The following CDC23 variants were observed in gnomAD, a reference collection of about 807,000 sequenced individuals.
CDC23 encodes cell division cycle 23, also known as cell division cycle protein 23 homolog.
Under a neutral mutation model 81.7 loss-of-function variants are expected in CDC23, and 26 were observed. The observed-to-expected ratio is 0.32, with a 90% CI of 0.23 to 0.44. CDC23 has a LOEUF of 0.44. Among genes scored for constraint, CDC23 ranks in the 20% least tolerant of loss-of-function variants. CDC23 has a pLI of 1.00. For missense variants in CDC23, 519 were observed against 728.0 expected, an observed-to-expected ratio of 0.71 and a Z score of 3.30; for synonymous variants, 267 against 270.8, an observed-to-expected ratio of 0.99 and a Z score of 0.14.
Position 138,213,252 on chromosome 5 carries a change from A to G in CDC23, c.61T>C (p.Ser21Pro), listed in dbSNP as rs1755137051. 1.2e-6 allele frequency: 2 copies of G among 1,614,128 alleles called. No individual in the cohort carries two copies. The highest frequency in any genetic ancestry group is 4.5e-5 in the East Asian group (2 of 44,886). Residue 21 changes from serine (S) to proline (P), a missense_variant, in exon 1 of 16, where the codon TCC (serine) becomes CCC (proline). Physicochemically the swap from Ser to Pro is moderately conservative, Grantham distance 74 (BLOSUM62 -1). Coordinates refer to ENST00000394886, the MANE Select transcript of CDC23 (RefSeq NM_004661.4). ...AAATCTGAGAAATCGCTGTTTATGGACAGGACAGGCGCCACTGCCGCCGTC... is the reference window on the plus strand; with the variant it reads ...AAATCTGAGAAATCGCTGTTTATGGGCAGGACAGGCGCCACTGCCGCCGTC... ...AVTAAVAPVL[S>P]INSDFSDLRE...
Position 138,188,991 on chromosome 5 carries a change from G to A in CDC23, c.1781C>T (p.Ser594Phe), listed in dbSNP as rs1370077744. The A allele has an allele frequency of 6.2e-7, 1 of 1,613,830 alleles. No individual in the cohort carries two copies. Among genetic ancestry groups the A allele is most frequent in the Non-Finnish European group, 8.5e-7 (1 of 1,179,918 alleles). Residue 594 changes from serine to phenylalanine, a missense_variant, in exon 16 of 16, where the codon TCT becomes TTT. Physicochemically the swap from Ser to Phe is radical, Grantham distance 155. Transcript: ENST00000394886. ...TRRVSPLNLS[S>F]VTP ...GAGAGTAGCCAACTATGGCGTGACA[G>A]AAGACAAGTTGAGTGGAGAAACTCT...
intron 9 of CDC23, among the ~76,000 whole-genome samples, chr5:138,192,930 C>T (rs952642847): frequency 2.6e-5 from 4 of 152,054 alleles, no homozygotes; most frequent in Non-Finnish European, 5.9e-5. Context: ...TACACAGTCT[C>T]TTTCTTTCTT....
In CDC23 at chr5:138,201,162, G is replaced by A; in HGVS notation, c.599C>T (p.Pro200Leu). The A allele has an allele frequency of 6.2e-7, 1 of 1,614,110 alleles. No individual in the cohort carries two copies. Among genetic ancestry groups the A allele is most frequent in the Non-Finnish European group, 8.5e-7 (1 of 1,180,022 alleles). The change falls in exon 6 of 16, where the codon CCC becomes CTC. Residue 200 changes from proline (P) to leucine (L), a missense_variant. Coordinates refer to ENST00000394886, the MANE Select transcript of CDC23 (RefSeq NM_004661.4). ...TTCTAACCAGGCTCCCCAATGCAAG[G>A]GCAAAACATGAGTAGCTTCCACAAA... is the stretch of plus-strand genomic sequence containing the variant. ...DVFVEATHVL[P>L]LHWGAWLELC...
intron 2 of CDC23, among the ~76,000 whole-genome samples, chr5:138,208,927 G>A (rs1369161994): frequency 6.6e-6 from 1 of 152,082 alleles, no homozygotes; most frequent in East Asian, 1.9e-4. Context: ...AAGTCACTGG[G>A]TCCACAGGTG....
chr5:138,207,492 T>C (rs1755064522), intron 2 of CDC23, among the ~76,000 whole-genome samples: 1 of 152,210 alleles, frequency 6.6e-6, no homozygotes. Flanking sequence ...AATACTGGCA[T>C]TCTATTCCTT....
chr5:138,210,817 G>C (rs1471965578), intron 2 of CDC23, among the ~76,000 whole-genome samples: 1 of 152,174 alleles, frequency 6.6e-6, no homozygotes, highest in Non-Finnish European at 1.5e-5. Flanking sequence ...CCTCAGGAGA[G>C]GGTGATATTT....
Position 138,188,663 on chromosome 5 carries a change from G to T in CDC23, c.*315C>A. ...AAACTTTGTTCCTGTAGCATTGCCT[G>T]TGCTAAAGTGCTATAAAAGGGACTT... On this transcript the variant is annotated 3_prime_UTR_variant, in exon 16 of 16. Coordinates refer to ENST00000394886, the MANE Select transcript of CDC23 (RefSeq NM_004661.4). The T allele has an allele frequency of 5.0e-6, 1 of 198,716 alleles. No individual in the cohort carries two copies. Among genetic ancestry groups the T allele is most frequent in the Non-Finnish European group, 1.0e-5 (1 of 98,724 alleles). The allele number at this position is 198,716 out of a possible 1,614,324, so 12.3% of individuals were successfully genotyped here.
Position 138,203,241 on chromosome 5 carries a change from T to C in CDC23, c.373-1086A>G, listed in dbSNP as rs937855022. Among the ~76,000 whole-genome samples the C allele has an allele frequency of 2.6e-5, 4 of 152,318 alleles. No homozygotes were observed. In the South Asian group the frequency reaches 8.3e-4, roughly 32 times the overall value. ...AGAATGTACAACACAGGGTGAACCC[T>C]AATGTAAACTGTGGACTTTTGTTGA... On this transcript the variant is annotated intron_variant, in intron 3 of 15. Coordinates refer to ENST00000394886, the MANE Select transcript of CDC23 (RefSeq NM_004661.4).
At position 138,191,454 on chromosome 5, in the gene CDC23, A is replaced by T. The variant is rs1323837264; in HGVS notation, c.1424+20T>A. ...AGAAGCCAACAGAAATATCAATAGC[A>T]TTTCACTCCTTTCACTCACTTTGCC... On this transcript the variant is annotated intron_variant, in intron 13 of 15. Coordinates refer to ENST00000394886, the MANE Select transcript of CDC23 (RefSeq NM_004661.4). 2 of 1,610,736 alleles carry T rather than the reference A, an allele frequency of 1.2e-6. No individual in the cohort carries two copies. The highest frequency in any genetic ancestry group is 3.3e-5 in the Admixed American group (2 of 59,998).
At chr5:138,199,298 A>ATT (rs1754959558) in intron 6 of CDC23, among the ~76,000 whole-genome samples, 1 of 152,180 alleles carries the variant, frequency 6.6e-6, no homozygotes. Flanking sequence ...GGGAGCTTTA[A>ATT]GAATAAGTTT....
At chr5:138,213,108 G>A (rs1755134764) in intron 1 of CDC23, 44 bp downstream of exon 1, 1 of 1,613,864 alleles carries the variant, frequency 6.2e-7, no homozygotes, top group Non-Finnish European at 8.5e-7. Context: ...AGCCCCCCAA[G>A]GCCAAGGATC....
intron 9 of CDC23, among the ~76,000 whole-genome samples, chr5:138,194,919 A>G (rs1754867771): frequency 1.3e-5 from 2 of 151,478 alleles, no homozygotes; most frequent in Admixed American, 6.6e-5. Flanking sequence ...ACAGGGTTTC[A>G]CCATGTTGGC....
At chr5:138,199,081 G>C (rs1476198839) in intron 6 of CDC23, among the ~76,000 whole-genome samples, 2 of 152,152 alleles carry the variant, frequency 1.3e-5, no homozygotes, top group Admixed American at 1.3e-4. Context: ...TCTAGACACG[G>C]GTAATAGCAT....
Position 138,192,257 on chromosome 5 carries a change from G to A in CDC23, c.1286+12C>T. On this transcript the variant is annotated intron_variant, in intron 11 of 15. Transcript: ENST00000394886. ...TCCCATATCAGACGCATTGTCAAGT[G>A]ACCAGGCTTACCGAAGCTGGTGGGC... 1.9e-6 allele frequency: 3 copies of A among 1,614,052 alleles called. No individual in the cohort carries two copies. Among genetic ancestry groups the A allele is most frequent in the African/African-American group, 1.3e-5 (1 of 75,038 alleles).
At chr5:138,195,723 T>C (rs1445552244) in intron 9 of CDC23, among the ~76,000 whole-genome samples, 42 of 57,074 alleles carry the variant, frequency 7.4e-4, no homozygotes, top group Admixed American at 5.7e-3. Flanking sequence ...AATATATATG[T>C]ATATATATAC....
intron 3 of CDC23, 104 bp from the exon 4 acceptor site, chr5:138,202,259 G>A (rs1754997766): frequency 1.6e-5 from 12 of 740,620 alleles, no homozygotes; most frequent in Non-Finnish European, 2.7e-5. Flanking sequence ...CAACCAAAAT[G>A]GCATCGACTT....
At chr5:138,190,466 GA>G (rs79994187) in intron 13 of CDC23, among the ~76,000 whole-genome samples, 1,513 of 61,798 alleles carry the variant, frequency 0.024, 46 homozygotes, top group Admixed American at 0.14. Context: ...TCCAAAAAAA[GA>G]AAAAAAAAAA....
At position 138,192,270 on chromosome 5, in the gene CDC23, G is replaced by A. The variant is rs771518039; in HGVS notation, c.1285C>T (p.Arg429Ter). Residue 429 changes from arginine to a stop codon, truncating the protein, a stop_gained and splice_region_variant, in exon 11 of 16, where the codon CGA becomes TGA. Transcript: ENST00000394886. LOFTEE classifies it high-confidence loss of function. ...LYYYRRAHQL[R>*]PNDSRMLVAL... is the part of the protein sequence containing the mutation. ...GCATTGTCAAGTGACCAGGCTTACC[G>A]AAGCTGGTGGGCCCGTCTATAATAA... 2 of 1,614,152 alleles carry A rather than the reference G, an allele frequency of 1.2e-6. No individual in the cohort carries two copies. Among genetic ancestry groups the A allele is most frequent in the Non-Finnish European group, 1.7e-6 (2 of 1,180,038 alleles).
rs1433816283 is a variant in CDC23 at position 138,198,284 on chromosome 5, G to A, written c.931-4C>T. The A allele has an allele frequency of 1.9e-6, 3 of 1,611,400 alleles. No homozygotes were observed. Among genetic ancestry groups the A allele is most frequent in the Admixed American group, 1.7e-5 (1 of 59,928 alleles). ...AACTCAACTCCGATTTCATGCTCTG[G>A]GATAAAAGAAAAAGACAATATAAGC... is the stretch of plus-strand genomic sequence containing the variant. On this transcript the variant is annotated splice_polypyrimidine_tract_variant and splice_region_variant and intron_variant, in intron 8 of 15. Coordinates refer to ENST00000394886, the MANE Select transcript of CDC23 (RefSeq NM_004661.4).
Sources: gnomAD v4.1 joint callset for allele counts (sites outside exome capture counted in the v4.1 genomes callset) on GRCh38, gnomAD v4.1.1 for gene constraint, MANE v1.5 for transcripts, NCBI Gene and HGNC (gene_info 2026-07-23, HGNC 2026-07-21) for gene names.